CHD9: variants seen among roughly 807,000 people sequenced by gnomAD.
CHD9 encodes the protein chromodomain helicase DNA binding protein 9.
A neutral mutation model predicts 316.1 loss-of-function variants in CHD9; 77 were observed. The ratio of observed to expected loss-of-function variants is 0.24; its 90% CI spans 0.20 to 0.29. CHD9 has a LOEUF of 0.29. Ranked by LOEUF, CHD9 falls within the 10% of genes least tolerant of loss-of-function variation. The pLI is 1.00. For synonymous variants in CHD9, 1,129 were observed against 1,158.3 expected (o/e 0.97, Z 0.51); for missense variants, 2,763 against 3,438.1 (o/e 0.80, Z 4.91).
intron 1 of CHD9, among the ~76,000 whole-genome samples, chr16:53,072,097 T>G (rs1202763677): frequency 6.6e-6 from 1 of 151,998 alleles, no homozygotes; most frequent in Admixed American, 6.6e-5. Context: ...AGAGACAGAC[T>G]CTGTCTCCTT....
At chr16:53,226,337 A>G (rs758369655) in intron 4 of CHD9, 29 bp from the exon 5 acceptor site, 1 of 1,448,646 alleles carries the variant, frequency 6.9e-7, no homozygotes, top group South Asian at 1.4e-5. Context: ...AATAAATTAT[A>G]TAAATCTGAT....
chr16:53,138,454 T>C (rs929592337), intron 1 of CHD9, among the ~76,000 whole-genome samples: 1 of 152,142 alleles, frequency 6.6e-6, no homozygotes, highest in African/African-American at 2.4e-5. Flanking sequence ...TTAAACTACT[T>C]TAAATGAATC....
At chr16:53,235,375 G>A in intron 11 of CHD9, 69 bp downstream of exon 11, 3 of 1,108,610 alleles carry the variant, frequency 2.7e-6, no homozygotes, top group Non-Finnish European at 3.8e-6. Context: ...AAGTAAAATA[G>A]ATACTGTTGT....
chr16:53,317,961 G>A (rs1014633020), intron 36 of CHD9, among the ~76,000 whole-genome samples: 3 of 152,082 alleles, frequency 2.0e-5, no homozygotes, highest in African/African-American at 7.2e-5. Context: ...AGAGGCTGAG[G>A]TGGGAGGATC....
At position 53,156,980 on chromosome 16, in the gene CHD9, T is replaced by A. The variant is rs765101939; in HGVS notation, c.891T>A (p.His297Gln). 6.2e-7 allele frequency: 1 copy of A among 1,612,624 alleles called. No homozygotes were observed. Among genetic ancestry groups the A allele is most frequent in the South Asian group, 1.1e-5 (1 of 91,054 alleles). The change falls in exon 2 of 39, where the codon CAT becomes CAA. Residue 297 changes from histidine to glutamine, a missense_variant. By Grantham distance (24) the His-to-Gln change is conservative (BLOSUM62 0). This residue lies in a region of CHD9 where 859 missense variants were observed against 890.4 expected (regional missense o/e 0.96). Coordinates refer to ENST00000447540, the MANE Select transcript of CHD9 (RefSeq NM_001308319.2). ...LQSSAVLASNHTNQTLSDFTG... is the reference protein window; with the variant it reads ...LQSSAVLASNQTNQTLSDFTG... The stretch of plus-strand genomic sequence containing the variant: ...CCTCTGCAGTTCTTGCATCTAATCA[T>A]ACAAATCAGACTTTATCTGATTTTA...
intron 19 of CHD9, among the ~76,000 whole-genome samples, chr16:53,257,134 A>G (rs1225240292): frequency 6.6e-6 from 1 of 152,222 alleles, no homozygotes; most frequent in African/African-American, 2.4e-5. Flanking sequence ...ATTGTTTTAC[A>G]AAGAGAAAGA....
At chr16:53,082,590 T>G (rs976102667) in intron 1 of CHD9, among the ~76,000 whole-genome samples, 5 of 152,202 alleles carry the variant, frequency 3.3e-5, no homozygotes, top group African/African-American at 1.2e-4. Context: ...ACAAAGAATT[T>G]TAAGGTTCTC....
At chr16:53,240,961 C>T (rs908418425) in intron 12 of CHD9, among the ~76,000 whole-genome samples, 3 of 151,894 alleles carry the variant, frequency 2.0e-5, no homozygotes, top group African/African-American at 7.3e-5. Context: ...TTCAAGAGCC[C>T]TTGTTATTAA....
At chr16:53,285,913 C>G (rs1406841932) in intron 25 of CHD9, among the ~76,000 whole-genome samples, 1 of 152,162 alleles carries the variant, frequency 6.6e-6, no homozygotes, top group Non-Finnish European at 1.5e-5. Context: ...GGATGTAAAT[C>G]TAAGACAACT....
chr16:53,234,581 AC>A (rs35510965), intron 10 of CHD9, among the ~76,000 whole-genome samples: 199 of 152,160 alleles, frequency 1.3e-3, no homozygotes, highest in African/African-American at 4.6e-3. Flanking sequence ...TACTGAGAGT[AC>A]CATGTTATTT....
intron 2 of CHD9, among the ~76,000 whole-genome samples, chr16:53,171,762 G>T (rs1199661854): frequency 2.6e-5 from 4 of 151,666 alleles, no homozygotes; most frequent in African/African-American, 9.7e-5. Flanking sequence ...TGAGTTGGAG[G>T]ATTACTTGAG....
chr16:53,255,688 A>G lies in CHD9; in HGVS notation c.4118A>G (p.Lys1373Arg). 6.2e-7 allele frequency: 1 copy of G among 1,613,902 alleles called. No homozygotes were observed. The highest frequency in any genetic ancestry group is 8.5e-7 in the Non-Finnish European group (1 of 1,179,818). Residue 1373 changes from lysine (K) to arginine (R), a missense_variant, in exon 19 of 39, where the codon AAA becomes AGA. Around this residue, in one of 15 missense-constraint regions of CHD9, gnomAD observed 199 missense variants for 251.7 expected, o/e 0.79. Coordinates refer to ENST00000447540, the MANE Select transcript of CHD9 (RefSeq NM_001308319.2). ...ATGGAGGAAGAAGATGAAGGCTCTA[A>G]ATTCTGCGAAGAGGATATCGATCAG... ...AIMEEEDEGS[K>R]FCEEDIDQIL...
At chr16:53,096,090 A>C (rs927321039) in intron 1 of CHD9, among the ~76,000 whole-genome samples, 1 of 151,010 alleles carries the variant, frequency 6.6e-6, no homozygotes, top group Non-Finnish European at 1.5e-5. Flanking sequence ...TAGGGTCTCT[A>C]AAACTCAGGC....
At chr16:53,225,626 G>T (rs193163298) in intron 4 of CHD9, among the ~76,000 whole-genome samples, 47 of 152,122 alleles carry the variant, frequency 3.1e-4, no homozygotes, top group Admixed American at 9.8e-4. Flanking sequence ...GTAATACTTT[G>T]TAAAAGGCTT....
rs1402725627 is a variant in CHD9 at position 53,173,066 on chromosome 16, A to G, written c.1452+15525A>G. Reference sequence around the variant, plus strand: ...GTTTTGTTTCATGTTTAAGAAATCTATGCCTGCCCAAGGTCAGTGAAGATT... The same window carrying G: ...GTTTTGTTTCATGTTTAAGAAATCTGTGCCTGCCCAAGGTCAGTGAAGATT... On this transcript the variant is annotated intron_variant, in intron 2 of 38. Transcript: ENST00000447540. 3.3e-5 allele frequency among the ~76,000 whole-genome samples: 5 copies of G among 152,156 alleles called. 1 individual carries two copies. Among genetic ancestry groups the G allele is most frequent in the African/African-American group, 9.6e-5 (4 of 41,452 alleles).
chr16:53,214,920 T>C (rs1219918248), intron 3 of CHD9, among the ~76,000 whole-genome samples: 1 of 151,100 alleles, frequency 6.6e-6, no homozygotes, highest in African/African-American at 2.4e-5. Flanking sequence ...TATATCTTTT[T>C]TTTTTTTTTT....
chr16:53,055,500 C>CCCA (rs779186624), intron 1 of CHD9, among the ~76,000 whole-genome samples: 22 of 151,652 alleles, frequency 1.5e-4, no homozygotes, highest in Non-Finnish European at 2.4e-4. Context: ...CCCCGCCCCC[C>CCCA]CCCAGAGACT....
In CHD9 at chr16:53,128,397, G is replaced by T. The variant is rs550040142; in HGVS notation, c.-164-27529G>T. On this transcript the variant is annotated intron_variant, in intron 1 of 38. Coordinates refer to ENST00000447540, the MANE Select transcript of CHD9 (RefSeq NM_001308319.2). ...AGGTTTCTCCATGTTGGTCAGGCTG[G>T]TCTCCAACTCCTGGCCTCAGGTGAT... is the stretch of plus-strand genomic sequence containing the variant. Among the ~76,000 whole-genome samples the T allele has an allele frequency of 2.6e-5, 4 of 152,126 alleles. 1 individual carries two copies. Among genetic ancestry groups the T allele is most frequent in the African/African-American group, 9.6e-5 (4 of 41,492 alleles).
At chr16:53,323,969 C>CT (rs1009258313) in intron 38 of CHD9, 51 bp from the exon 39 acceptor site, 16 of 1,440,622 alleles carry the variant, frequency 1.1e-5, no homozygotes, top group Non-Finnish European at 1.5e-5. Flanking sequence ...GCTAATAACT[C>CT]TTTATTTTAT....
Sources: gnomAD v4.1 joint callset for allele counts (sites outside exome capture counted in the v4.1 genomes callset) on GRCh38, gnomAD v4.1.1 for gene constraint, gnomAD v4.1.1 regional missense constraint, MANE v1.5 for transcripts, NCBI Gene and HGNC (gene_info 2026-07-23, HGNC 2026-07-21) for gene names.